FASTKD2: variants seen among roughly 807,000 people sequenced by gnomAD.
FASTKD2 encodes FAST kinase domain-containing protein 2, mitochondrial.
A neutral mutation model predicts 63.6 loss-of-function variants in FASTKD2; 51 were observed. That is an observed-to-expected ratio of 0.80 (90% CI 0.64 to 1.01). The LOEUF (loss-of-function observed/expected upper bound fraction) is 1.01. FASTKD2 is among the 50% of genes least tolerant of loss of function. FASTKD2 has a pLI of 0.00. For synonymous variants in FASTKD2, 284 were observed against 293.4 expected (o/e 0.97, Z 0.33); for missense variants, 786 against 831.1 (o/e 0.95, Z 0.67).
intron 7 of FASTKD2, among the ~76,000 whole-genome samples, chr2:206,776,600 G>A (rs925554706): frequency 5.3e-5 from 8 of 152,066 alleles, no homozygotes; most frequent in East Asian, 1.9e-4. Flanking sequence ...TGGATATCCA[G>A]TTTTCCCAAC....
In FASTKD2 at chr2:206,785,393, A is replaced by G. The variant is rs1385434587; in HGVS notation, c.1428-1340A>G. Among the ~76,000 whole-genome samples the G allele has an allele frequency of 2.6e-5, 4 of 152,170 alleles. No individual in the cohort carries two copies. In the East Asian group the frequency reaches 7.7e-4, roughly 29 times the overall value. The stretch of plus-strand genomic sequence containing the variant: ...GGCAGTGTTGCCTGGAGGGGTTGGT[A>G]TCTGAGCTGATCTTAAAAGATGGAG... On this transcript the variant is annotated intron_variant, in intron 7 of 11. Transcript: ENST00000402774.
At chr2:206,769,124 C>T (rs1005927183) in intron 2 of FASTKD2, among the ~76,000 whole-genome samples, 6 of 152,166 alleles carry the variant, frequency 3.9e-5, no homozygotes, top group African/African-American at 7.2e-5. Context: ...AATGTAAAGA[C>T]ATTTTAGAGG....
At chr2:206,782,365 A>C (rs1377962916) in intron 7 of FASTKD2, among the ~76,000 whole-genome samples, 2 of 152,190 alleles carry the variant, frequency 1.3e-5, no homozygotes, top group Admixed American at 6.5e-5. Context: ...CTTTTCATAA[A>C]GGTATTTTTG....
rs745936961 is a variant in FASTKD2 at position 206,786,803 on chromosome 2, G to C, written c.1498G>C (p.Asp500His). 1.2e-6 allele frequency: 2 copies of C among 1,613,424 alleles called. No homozygotes were observed. Among genetic ancestry groups the C allele is most frequent in the East Asian group, 4.5e-5 (2 of 44,858 alleles). Reference protein sequence around the residue: ...LHTISSENLLDAVYSFCLMNY... With the variant: ...LHTISSENLLHAVYSFCLMNY... ...CACTATTTCTTCTGAAAACTTATTG[G>C]ATGCAGTATATTCATTTTGCTTGAT... Residue 500 changes from aspartate to histidine, a missense_variant, in exon 8 of 12, where the codon GAT becomes CAT. By Grantham distance (81) the Asp-to-His change is moderately conservative. Coordinates refer to ENST00000402774, the MANE Select transcript of FASTKD2 (RefSeq NM_001136193.2).
Position 206,788,731 on chromosome 2 carries a change from C to CAAA in FASTKD2, c.1814-73_1814-71dup, listed in dbSNP as rs5838043. 1.8e-3 allele frequency: 1,039 copies of CAAA among 567,232 alleles called. 4 individuals are homozygous for CAAA. The highest frequency in any genetic ancestry group is 0.012 in the African/African-American group (457 of 39,706). The allele number at this position is 567,232 out of a possible 1,614,324, so 35.1% of individuals were successfully genotyped here. ...TGGATGACAGAGCGAGACCACATCTCAAAAAAAAAAAAAAAAAGGAAAAGA... is the reference window on the plus strand; with the variant it reads ...TGGATGACAGAGCGAGACCACATCTCAAAAAAAAAAAAAAAAAAAAGGAAAAGA... On this transcript the variant is annotated intron_variant, in intron 9 of 11. Coordinates refer to ENST00000402774, the MANE Select transcript of FASTKD2 (RefSeq NM_001136193.2).
At chr2:206,790,328 A>G (rs1690249112) in intron 10 of FASTKD2, 3 of 419,034 alleles carry the variant, frequency 7.2e-6, no homozygotes, top group Non-Finnish European at 8.9e-6. Flanking sequence ...TCAAAAATGT[A>G]GCCATCCTTA....
intron 2 of FASTKD2, among the ~76,000 whole-genome samples, chr2:206,768,858 T>A (rs1346811375): frequency 6.6e-6 from 1 of 152,238 alleles, no homozygotes; most frequent in African/African-American, 2.4e-5. Context: ...AAGGAATAAC[T>A]AATTTTTATT....
chr2:206,766,279 AAAAAAAC>A (rs1279284971), intron 1 of FASTKD2, among the ~76,000 whole-genome samples: 52 of 151,362 alleles, frequency 3.4e-4, no homozygotes, highest in African/African-American at 1.2e-3. Flanking sequence ...AAAAAAAAAA[AAAAAAAC>A]AGAGAAGAGA....
In FASTKD2 at chr2:206,774,239, C is replaced by T. The variant is rs1474598736; in HGVS notation, c.1269C>T (p.Leu423=). ...CTCTTTTTAAGGTTCTTTTTATCCTCATTTTATTTGAAAACCTTGGCTTTC... is the reference window on the plus strand; with the variant it reads ...CTCTTTTTAAGGTTCTTTTTATCCTTATTTTATTTGAAAACCTTGGCTTTC... The part of the protein sequence containing the change: ...IWKFRKVLFI[L]ILFENLGFRP... Residue 423 remains leucine (L), a synonymous_variant, in exon 7 of 12, where the codon CTC becomes CTT. Transcript: ENST00000402774. The T allele has an allele frequency of 6.2e-7, 1 of 1,609,290 alleles. No individual in the cohort carries two copies. The highest frequency in any genetic ancestry group is 8.5e-7 in the Non-Finnish European group (1 of 1,176,822).
In FASTKD2 at chr2:206,788,068, G is replaced by C. The variant is rs750790517; in HGVS notation, c.1726G>C (p.Ala576Pro). ...GGAGCTGCCATCGTCACATACAAAT[G>C]CAAAGGTGGCAGAGGTGCTGAGCAG... ...PRELPSSHTN[A>P]KVAEVLSSLL... The change falls in exon 9 of 12, where the codon GCA (alanine) becomes CCA (proline). Residue 576 changes from alanine (A) to proline (P), a missense_variant. By Grantham distance (27) the Ala-to-Pro change is conservative (BLOSUM62 -1). Transcript: ENST00000402774. 7 of 1,613,754 alleles carry C rather than the reference G, an allele frequency of 4.3e-6. No homozygotes were observed. Among genetic ancestry groups the C allele is most frequent in the African/African-American group, 1.3e-5 (1 of 74,920 alleles).
chr2:206,773,606 G>A (rs1689746633), intron 6 of FASTKD2, among the ~76,000 whole-genome samples: 1 of 152,114 alleles, frequency 6.6e-6, no homozygotes, highest in African/African-American at 2.4e-5. Context: ...TAGATCTCTA[G>A]GTTCAGTTTA....
chr2:206,782,365 A>G (rs1377962916), intron 7 of FASTKD2, among the ~76,000 whole-genome samples: 1 of 152,190 alleles, frequency 6.6e-6, no homozygotes, highest in Non-Finnish European at 1.5e-5. Flanking sequence ...CTTTTCATAA[A>G]GGTATTTTTG....
chr2:206,767,340 T>C lies in FASTKD2; in HGVS notation c.647T>C (p.Leu216Pro). 1 of 1,614,196 alleles carries C rather than the reference T, an allele frequency of 6.2e-7. No homozygotes were observed. Among genetic ancestry groups the C allele is most frequent in the Non-Finnish European group, 8.5e-7 (1 of 1,180,036 alleles). ...LMFSHPAFNQLCEHMMREAKI... is the reference protein window; with the variant it reads ...LMFSHPAFNQPCEHMMREAKI... ...TTTAGCCACCCTGCATTTAATCAGCTCTGTGAACATATGATGAGAGAAGCC... is the reference window on the plus strand; with the variant it reads ...TTTAGCCACCCTGCATTTAATCAGCCCTGTGAACATATGATGAGAGAAGCC... Residue 216 changes from leucine to proline, a missense_variant, in exon 2 of 12, where the codon CTC (leucine) becomes CCC (proline). Physicochemically the swap from Leu to Pro is moderately conservative, Grantham distance 98 (BLOSUM62 -3). Transcript: ENST00000402774.
intron 4 of FASTKD2, among the ~76,000 whole-genome samples, 178 bp from the exon 5 acceptor site, chr2:206,771,716 A>T (rs1005101690): frequency 6.7e-6 from 1 of 149,456 alleles, no homozygotes; most frequent in Non-Finnish European, 1.5e-5. Flanking sequence ...ACATGCCTGT[A>T]GGTGGTGCAT....
At chr2:206,781,828 T>G (rs1031048326) in intron 7 of FASTKD2, among the ~76,000 whole-genome samples, 3 of 151,942 alleles carry the variant, frequency 2.0e-5, no homozygotes, top group Non-Finnish European at 4.4e-5. Context: ...CACTGACCCC[T>G]TTTTTTCCTA....
chr2:206,781,304 ATTTTTTTTTT>A (rs71034473), intron 7 of FASTKD2, among the ~76,000 whole-genome samples: 79 of 75,928 alleles, frequency 1.0e-3, no homozygotes, highest in African/African-American at 3.1e-3. Context: ...TTTTTCTATG[ATTTTTTTTTT>A]TTTTTTTTTT....
rs1013411502 is a variant in FASTKD2 at position 206,794,369 on chromosome 2, A to C, written c.*2567A>C. 2.6e-5 allele frequency among the ~76,000 whole-genome samples: 4 copies of C among 152,240 alleles called. No homozygotes were observed. Among genetic ancestry groups the C allele is most frequent in the African/African-American group, 9.6e-5 (4 of 41,460 alleles). ...ACAAGATATAAAATTGTATTCTTGA[A>C]ATAGCTACATGCAATTCTTTTTTAT... On this transcript the variant is annotated 3_prime_UTR_variant, in exon 12 of 12. Transcript: ENST00000402774.
At position 206,795,512 on chromosome 2, in the gene FASTKD2, C is replaced by G. The variant is rs550284931; in HGVS notation, c.*3710C>G. On this transcript the variant is annotated 3_prime_UTR_variant, in exon 12 of 12. Transcript: ENST00000402774. ...CCTTCCAAAGTGCTGGGATTATAGG[C>G]GTGAGCCACCACCCCCGGTCCAAGA... Among the ~76,000 whole-genome samples, 1 of 152,166 alleles carries G rather than the reference C, an allele frequency of 6.6e-6. No individual in the cohort carries two copies. Among genetic ancestry groups the G allele is most frequent in the African/African-American group, 2.4e-5 (1 of 41,452 alleles).
At chr2:206,783,998 G>C (rs1003049908) in intron 7 of FASTKD2, among the ~76,000 whole-genome samples, 1 of 152,078 alleles carries the variant, frequency 6.6e-6, no homozygotes, top group African/African-American at 2.4e-5. Flanking sequence ...ATCCAGCCCC[G>C]GATGTTAGTA....
Sources: allele counts gnomAD v4.1 joint callset (sites outside exome capture counted in the v4.1 genomes callset), GRCh38; gene constraint gnomAD v4.1.1; transcripts MANE v1.5; gene names NCBI Gene and HGNC (gene_info 2026-07-23, HGNC 2026-07-21).